Variants in ANO2 observed in about 807,000 individuals in gnomAD.
ANO2 encodes the protein anoctamin-2.
ANO2 carries 101 observed loss-of-function variants against 124.2 expected under a neutral mutation model. The observed-to-expected ratio is 0.81, with a 90% CI of 0.69 to 0.96. ANO2 has a LOEUF of 0.96. ANO2 is among the 40% of genes least tolerant of loss of function. The pLI is 0.00. For missense variants in ANO2, 1,293 were observed against 1,274.5 expected, an observed-to-expected ratio of 1.01 and a Z score of -0.22; for synonymous variants, 486 against 482.5, an observed-to-expected ratio of 1.01 and a Z score of -0.09.
chr12:5,861,701 G>T (rs1050569463), intron 3 of ANO2, among the ~76,000 whole-genome samples: 4 of 152,132 alleles, frequency 2.6e-5, no homozygotes, highest in African/African-American at 7.2e-5. Context: ...AAGGAAGGGT[G>T]GGGGGATGAG....
intron 17 of ANO2, among the ~76,000 whole-genome samples, chr12:5,613,858 C>T (rs545239864): frequency 6.6e-6 from 1 of 152,288 alleles, no homozygotes; most frequent in South Asian, 2.1e-4. Flanking sequence ...ACGTCATATG[C>T]ATGTAATTTG....
chr12:5,716,038 G>C (rs1229578321), intron 14 of ANO2, among the ~76,000 whole-genome samples: 2 of 152,104 alleles, frequency 1.3e-5, no homozygotes, highest in Non-Finnish European at 2.9e-5. Flanking sequence ...ACAAAGTTAA[G>C]TATTCAACAA....
At chr12:5,937,804 C>T (rs1942716999) in intron 1 of ANO2, among the ~76,000 whole-genome samples, 1 of 152,124 alleles carries the variant, frequency 6.6e-6, no homozygotes, top group Non-Finnish European at 1.5e-5. Context: ...CTCTTGTCTT[C>T]CCTATTGATC....
At chr12:5,713,162 G>A (rs916381238) in intron 14 of ANO2, among the ~76,000 whole-genome samples, 1 of 152,134 alleles carries the variant, frequency 6.6e-6, no homozygotes. Context: ...GAACTCAGGG[G>A]ATGAGCAGGA....
At chr12:5,771,375 T>C (rs1216743341) in intron 10 of ANO2, among the ~76,000 whole-genome samples, 2 of 152,236 alleles carry the variant, frequency 1.3e-5, no homozygotes, top group Non-Finnish European at 2.9e-5. Flanking sequence ...CATGTGTCTT[T>C]TAAGTAACAG....
chr12:5,593,861 C>T (rs896320203), intron 20 of ANO2, among the ~76,000 whole-genome samples: 4 of 152,116 alleles, frequency 2.6e-5, no homozygotes, highest in Admixed American at 6.5e-5. Flanking sequence ...AGTGGTTCAA[C>T]GGCAGTACCA....
chr12:5,594,497 C>G (rs1042093480), intron 20 of ANO2, among the ~76,000 whole-genome samples: 1 of 152,178 alleles, frequency 6.6e-6, no homozygotes, highest in Non-Finnish European at 1.5e-5. Flanking sequence ...AGGTCTGTAT[C>G]TGAACCTTCC....
chr12:5,930,935 C>A (rs1332071575), intron 1 of ANO2, among the ~76,000 whole-genome samples: 2 of 152,124 alleles, frequency 1.3e-5, no homozygotes, highest in African/African-American at 4.8e-5. Context: ...TCAGAATTAG[C>A]CCTCTCTCTC....
At chr12:5,827,440 T>A (rs187923581) in intron 7 of ANO2, among the ~76,000 whole-genome samples, 1 of 151,998 alleles carries the variant, frequency 6.6e-6, no homozygotes, top group Non-Finnish European at 1.5e-5. Flanking sequence ...TAGAAACTAT[T>A]GGAAATGGTG....
At chr12:5,727,372 G>A (rs1315218832) in intron 14 of ANO2, among the ~76,000 whole-genome samples, 1 of 151,896 alleles carries the variant, frequency 6.6e-6, no homozygotes, top group Non-Finnish European at 1.5e-5. Context: ...GAAGATACCA[G>A]CACCATGCCT....
At chr12:5,676,181 C>A (rs1948233441) in intron 14 of ANO2, among the ~76,000 whole-genome samples, 1 of 152,222 alleles carries the variant, frequency 6.6e-6, no homozygotes, top group Admixed American at 6.5e-5. Flanking sequence ...GGAAGATGTT[C>A]TCTGGGCACC....
intron 14 of ANO2, among the ~76,000 whole-genome samples, chr12:5,726,778 T>C (rs1950457377): frequency 6.6e-6 from 1 of 152,208 alleles, no homozygotes; most frequent in African/African-American, 2.4e-5. Flanking sequence ...GTTACTACCA[T>C]ATAAATAAAT....
intron 4 of ANO2, among the ~76,000 whole-genome samples, chr12:5,841,586 G>A (rs985438639): frequency 6.6e-6 from 1 of 152,166 alleles, no homozygotes; most frequent in African/African-American, 2.4e-5. Flanking sequence ...GGCAGCCTCA[G>A]CCCCTGCCCC....
At chr12:5,749,877 T>A (rs1951385044) in intron 11 of ANO2, among the ~76,000 whole-genome samples, 1 of 152,114 alleles carries the variant, frequency 6.6e-6, no homozygotes, top group South Asian at 2.1e-4. Flanking sequence ...GAGTAAACTG[T>A]CCAGTCACAT....
chr12:5,623,246 T>C (rs888405717), intron 16 of ANO2, among the ~76,000 whole-genome samples: 1 of 152,086 alleles, frequency 6.6e-6, no homozygotes, highest in Non-Finnish European at 1.5e-5. Context: ...GGGAATCTAA[T>C]GGAGAGAGGG....
chr12:5,674,572 T>G (rs1169537896), intron 14 of ANO2, among the ~76,000 whole-genome samples: 2 of 152,198 alleles, frequency 1.3e-5, no homozygotes, highest in Admixed American at 1.3e-4. Flanking sequence ...TCGGCTGTCG[T>G]GGCCACCTCT....
At chr12:5,905,233 G>A (rs1940591777) in intron 3 of ANO2, among the ~76,000 whole-genome samples, 1 of 152,138 alleles carries the variant, frequency 6.6e-6, no homozygotes, top group South Asian at 2.1e-4. Flanking sequence ...AGCCACCTGG[G>A]GCTCTGGCAG....
chr12:5,642,090 A>C (rs1031522320), intron 15 of ANO2, among the ~76,000 whole-genome samples: 1 of 152,120 alleles, frequency 6.6e-6, no homozygotes, highest in African/African-American at 2.4e-5. Flanking sequence ...TATCAGTGGC[A>C]TCTAATACAA....
At chr12:5,932,799 T>C (rs1942472990) in intron 1 of ANO2, among the ~76,000 whole-genome samples, 1 of 152,108 alleles carries the variant, frequency 6.6e-6, no homozygotes, top group Non-Finnish European at 1.5e-5. Flanking sequence ...AGAGTCAACA[T>C]GAAAGTATGA....
Sources: gnomAD v4.1 joint callset for allele counts (sites outside exome capture counted in the v4.1 genomes callset) on GRCh38, gnomAD v4.1.1 for gene constraint, MANE v1.5 for transcripts, NCBI Gene and HGNC (gene_info 2026-07-23, HGNC 2026-07-21) for gene names.